DLG1: variants seen among roughly 807,000 people sequenced by gnomAD.
The protein encoded by DLG1 is discs large MAGUK scaffold protein 1.
In DLG1, 42 loss-of-function variants were observed where a neutral mutation model predicts 123.4. The ratio of observed to expected loss-of-function variants is 0.34; its 90% CI spans 0.27 to 0.44. The LOEUF is 0.44. Among genes scored for constraint, DLG1 ranks in the 20% least tolerant of loss-of-function variants. DLG1 has a pLI of 1.00. For missense variants in DLG1, 942 were observed against 1,082.6 expected (o/e 0.87, Z 1.82); for synonymous variants, 317 against 356.2 (o/e 0.89, Z 1.24).
At chr3:197,233,507 C>T (rs1473123129) in intron 4 of DLG1, among the ~76,000 whole-genome samples, 1 of 152,232 alleles carries the variant, frequency 6.6e-6, no homozygotes, top group African/African-American at 2.4e-5. Context: ...CTGCCTCAGT[C>T]TCCCAAGTAG....
chr3:197,286,443 C>T (rs551065375), intron 3 of DLG1, among the ~76,000 whole-genome samples: 6 of 152,288 alleles, frequency 3.9e-5, no homozygotes, highest in East Asian at 1.9e-4. Context: ...CCCTTGCACG[C>T]GCAGTTCACG....
At chr3:197,294,005 C>A (rs1353456696) in intron 3 of DLG1, 1 of 152,560 alleles carries the variant, frequency 6.6e-6, no homozygotes, top group Non-Finnish European at 1.5e-5. Flanking sequence ...GGGCAGTTTA[C>A]AAGCTTAAAG....
At chr3:197,161,574 A>G (rs1798775153) in intron 5 of DLG1, 1 of 1,016,382 alleles carries the variant, frequency 9.8e-7, no homozygotes. Context: ...AGTTTTAAAA[A>G]AGAACACAAA....
intron 4 of DLG1, among the ~76,000 whole-genome samples, chr3:197,196,000 T>G (rs571566508): frequency 6.6e-6 from 1 of 151,772 alleles, no homozygotes; most frequent in Non-Finnish European, 1.5e-5. Context: ...ACATTCACAG[T>G]AGAGGCCTTT....
chr3:197,051,391 C>T (rs1259454097), intron 24 of DLG1, among the ~76,000 whole-genome samples, 186 bp downstream of exon 24: 2 of 152,092 alleles, frequency 1.3e-5, no homozygotes, highest in Admixed American at 1.3e-4. Context: ...CATTGCACTC[C>T]GCTTGGGTGA....
chr3:197,294,741 C>T (rs1376536170), intron 3 of DLG1, among the ~76,000 whole-genome samples: 1 of 151,268 alleles, frequency 6.6e-6, no homozygotes, highest in East Asian at 1.9e-4. Context: ...TCAAAACAGG[C>T]AAGGCAGAAT....
chr3:197,075,787 G>A (rs1746848250), intron 18 of DLG1: 1 of 1,521,152 alleles, frequency 6.6e-7, no homozygotes, highest in South Asian at 1.1e-5. Context: ...AATAAGGTAG[G>A]TCTGCAGATG....
At chr3:197,090,838 A>G in intron 15 of DLG1, 74 bp downstream of exon 15, 1 of 869,642 alleles carries the variant, frequency 1.1e-6, no homozygotes, top group Non-Finnish European at 1.8e-6. Context: ...TAAGTAAGTT[A>G]TAGTGAAAAA....
chr3:197,168,310 C>T (rs758098247), intron 5 of DLG1, among the ~76,000 whole-genome samples: 7 of 152,210 alleles, frequency 4.6e-5, no homozygotes, highest in Non-Finnish European at 1.0e-4. Flanking sequence ...AGAAAGTCAA[C>T]GACGCATCAA....
At chr3:197,298,340 A>G (rs1376298219) in intron 1 of DLG1, 196 bp downstream of exon 1, 1 of 395,972 alleles carries the variant, frequency 2.5e-6, no homozygotes, top group Non-Finnish European at 4.4e-6. Flanking sequence ...CGGCCGCTGA[A>G]GTGGCTCTGA....
intron 14 of DLG1, among the ~76,000 whole-genome samples, chr3:197,094,055 C>T (rs1759285738): frequency 6.6e-6 from 1 of 152,130 alleles, no homozygotes; most frequent in Admixed American, 6.5e-5. Flanking sequence ...GTTCTAAAAC[C>T]ACCATACTGC....
intron 4 of DLG1, among the ~76,000 whole-genome samples, chr3:197,205,106 T>C (rs1420231616): frequency 6.6e-6 from 1 of 152,162 alleles, no homozygotes; most frequent in Non-Finnish European, 1.5e-5. Flanking sequence ...GCTATACATG[T>C]GAAAAATGGT....
Position 197,260,448 on chromosome 3 carries a change from A to C in DLG1, c.318+22231T>G, listed in dbSNP as rs112786823. On this transcript the variant is annotated intron_variant, in intron 4 of 24. Coordinates refer to ENST00000667157, the MANE Select transcript of DLG1 (RefSeq NM_001366207.1). ...CTCTCCAGGATCCATTCTTAGAGGTAGCAATTTTTCTACTATCTAAAATAC... is the reference window on the plus strand; with the variant it reads ...CTCTCCAGGATCCATTCTTAGAGGTCGCAATTTTTCTACTATCTAAAATAC... 758 of 210,150 alleles carry C rather than the reference A, an allele frequency of 3.6e-3. 7 individuals carry two copies. Among genetic ancestry groups the C allele is most frequent in the African/African-American group, 0.017 (723 of 42,516 alleles). 13.0% of individuals were successfully genotyped at this position (210,150 alleles called of 1,614,324 possible). A position where few individuals can be genotyped will look rare whatever the true frequency, so the allele number is the denominator to read the frequency against.
At chr3:197,216,174 G>T (rs903341930) in intron 4 of DLG1, among the ~76,000 whole-genome samples, 1 of 152,132 alleles carries the variant, frequency 6.6e-6, no homozygotes, top group Non-Finnish European at 1.5e-5. Flanking sequence ...TTTTACATAT[G>T]AATAAAATTC....
intron 5 of DLG1, among the ~76,000 whole-genome samples, chr3:197,169,187 G>A (rs1039497021): frequency 3.9e-5 from 6 of 152,060 alleles, no homozygotes; most frequent in East Asian, 3.8e-4. Flanking sequence ...ACCATGTACC[G>A]CCCTCCCTCA....
chr3:197,068,151 T>A (rs887122628), intron 19 of DLG1, among the ~76,000 whole-genome samples: 1 of 152,240 alleles, frequency 6.6e-6, no homozygotes, highest in South Asian at 2.1e-4. Flanking sequence ...TCAAAGTACA[T>A]AAGACCAATA....
chr3:197,278,282 CAAAAAAAAAAAA>C (rs71164203), intron 4 of DLG1, among the ~76,000 whole-genome samples: 11 of 37,524 alleles, frequency 2.9e-4, no homozygotes, highest in Non-Finnish European at 1.3e-4. Flanking sequence ...GACTCTGTCC[CAAAAAAAAAAAA>C]AAAAAAAAAA....
intron 4 of DLG1, among the ~76,000 whole-genome samples, chr3:197,214,897 T>G (rs1276804015): frequency 6.6e-6 from 1 of 152,140 alleles, no homozygotes; most frequent in African/African-American, 2.4e-5. Context: ...ATTAAAACAA[T>G]GATCTATCAC....
At chr3:197,056,932 G>A (rs1215966191) in intron 23 of DLG1, among the ~76,000 whole-genome samples, 3 of 152,160 alleles carry the variant, frequency 2.0e-5, no homozygotes, top group African/African-American at 7.2e-5. Context: ...AACTCAAATT[G>A]TACTTGTGAG....
Sources: allele counts gnomAD v4.1 joint callset (sites outside exome capture counted in the v4.1 genomes callset), GRCh38; gene constraint gnomAD v4.1.1; transcripts MANE v1.5; gene names NCBI Gene and HGNC (gene_info 2026-07-23, HGNC 2026-07-21).